The following DNAH9 variants were observed in gnomAD, a reference collection of about 807,000 sequenced individuals.
DNAH9 encodes the protein dynein axonemal heavy chain 9, also known as DNAH9 variant protein.
In DNAH9, 345 loss-of-function variants were observed where a neutral mutation model predicts 471.6. That is an observed-to-expected ratio of 0.73 (90% confidence interval 0.67 to 0.80). The LOEUF is 0.80. Ranked by LOEUF, DNAH9 falls within the 30% of genes least tolerant of loss-of-function variation. The pLI is 0.00. For missense variants in DNAH9, 5,407 were observed against 5,609.2 expected (o/e 0.96, Z 1.15); for synonymous variants, 2,093 against 2,123.6 (o/e 0.99, Z 0.40).
rs374527208 is a variant in DNAH9, at chr17:11,701,298, C to T, written c.5151+51C>T. 3.1e-5 allele frequency: 50 copies of T among 1,592,668 alleles called. No individual in the cohort carries two copies. In the African/African-American group the frequency reaches 3.5e-4, roughly 11 times the overall value. On this transcript the variant is annotated intron_variant, in intron 24 of 68. Coordinates refer to ENST00000262442, the MANE Select transcript of DNAH9 (RefSeq NM_001372.4). ...CTCCATGGTTGGGGCTGTCTTCCTC[C>T]GCAGCCTCCCCCAGCCTTCAGCAGC...
intron 26 of DNAH9, among the ~76,000 whole-genome samples, chr17:11,714,463 A>T (rs957256938): frequency 6.6e-6 from 1 of 152,180 alleles, no homozygotes; most frequent in Non-Finnish European, 1.5e-5. Flanking sequence ...CTGAAGGTAG[A>T]TACTGTTGCA....
chr17:11,685,978 G>C (rs749276528), intron 19 of DNAH9, among the ~76,000 whole-genome samples: 3 of 151,794 alleles, frequency 2.0e-5, no homozygotes, highest in Non-Finnish European at 2.9e-5. Context: ...CTAATTTTTT[G>C]TATTTTTAGT....
intron 15 of DNAH9, among the ~76,000 whole-genome samples, chr17:11,667,216 T>C (rs1260217020): frequency 6.6e-6 from 1 of 152,238 alleles, no homozygotes; most frequent in Non-Finnish European, 1.5e-5. Context: ...ACATAATATG[T>C]ATATTAATGC....
intron 61 of DNAH9, among the ~76,000 whole-genome samples, chr17:11,913,442 G>C (rs1973849741): frequency 6.6e-6 from 1 of 151,936 alleles, no homozygotes; most frequent in Admixed American, 6.6e-5. Flanking sequence ...CTATATTAAA[G>C]TGTTTAGATC....
intron 50 of DNAH9, 129 bp downstream of exon 50, chr17:11,854,557 T>C (rs1971555521): frequency 8.2e-7 from 1 of 1,220,270 alleles, no homozygotes; most frequent in Non-Finnish European, 1.1e-6. Flanking sequence ...TCATGCAAAA[T>C]CTCATTTTTC....
At position 11,608,200 on chromosome 17, in the gene DNAH9, G is replaced by T. The variant is rs1159538055; in HGVS notation, c.489G>T (p.Arg163Ser). ...CCCACATGATATGTGAGGATGTCAG[G>T]CGGCACGCCCACAGCCTCCAATGTG... ...NWPHMICEDVRRHAHSLQCDL... is the reference protein window; with the variant it reads ...NWPHMICEDVSRHAHSLQCDL... Residue 163 changes from arginine (R) to serine (S), a missense_variant, in exon 2 of 69, where the codon AGG becomes AGT. Around this residue, in one of 3 missense-constraint regions of DNAH9, gnomAD observed 767 missense variants for 692.5 expected, o/e 1.11. Coordinates refer to ENST00000262442, the MANE Select transcript of DNAH9 (RefSeq NM_001372.4). 1.9e-6 allele frequency: 3 copies of T among 1,613,940 alleles called. No individual in the cohort carries two copies. The Admixed American group carries it at 5.0e-5, about 27-fold the overall frequency.
intron 26 of DNAH9, among the ~76,000 whole-genome samples, chr17:11,718,040 A>ATT (rs2074995385): frequency 2.3e-5 from 1 of 42,978 alleles, no homozygotes; most frequent in Admixed American, 3.8e-4. Flanking sequence ...CACCCATCTC[A>ATT]TTTGTGTGTG....
intron 49 of DNAH9, among the ~76,000 whole-genome samples, chr17:11,839,319 A>G (rs1970950540): frequency 6.6e-6 from 1 of 151,678 alleles, no homozygotes; most frequent in African/African-American, 2.4e-5. Flanking sequence ...GATCGAGACC[A>G]TCCTGGCTGA....
intron 4 of DNAH9, 150 bp downstream of exon 4, chr17:11,611,930 C>G (rs1403468558): frequency 2.7e-6 from 2 of 736,052 alleles, no homozygotes; most frequent in Non-Finnish European, 4.8e-6. Flanking sequence ...AATACCACAT[C>G]TAGATACATG....
chr17:11,874,960 A>T lies in DNAH9; in HGVS notation c.10254A>T (p.Pro3418=). The part of the protein sequence containing the change: ...PYLSQLKTPI[P]VTPALDPLRM... ...TTCTTCTTCACCAGACTCCCATTCC[A>T]GTCACCCCAGCCCTGGATCCCCTGA... Residue 3418 remains proline, a synonymous_variant, in exon 53 of 69, where the codon CCA becomes CCT. Coordinates refer to ENST00000262442, the MANE Select transcript of DNAH9 (RefSeq NM_001372.4). 6.2e-7 allele frequency: 1 copy of T among 1,613,704 alleles called. No individual in the cohort carries two copies. Among genetic ancestry groups the T allele is most frequent in the Non-Finnish European group, 8.5e-7 (1 of 1,179,734 alleles).
chr17:11,851,144 C>T (rs1310452195), intron 49 of DNAH9, among the ~76,000 whole-genome samples: 1 of 150,696 alleles, frequency 6.6e-6, no homozygotes, highest in Non-Finnish European at 1.5e-5. Context: ...GAGTTTCATT[C>T]TTGTCACCCA....
chr17:11,743,428 C>G (rs951222451), intron 30 of DNAH9, among the ~76,000 whole-genome samples: 9 of 152,166 alleles, frequency 5.9e-5, no homozygotes, highest in Admixed American at 4.6e-4. Context: ...CTTCTAATTC[C>G]TCAGATCTGT....
Position 11,608,238 on chromosome 17 carries a change from T to C in DNAH9, c.527T>C (p.Ile176Thr). The change falls in exon 2 of 69, where the codon ATA becomes ACA. Residue 176 changes from isoleucine (I) to threonine (T), a missense_variant. Physicochemically the swap from Ile to Thr is moderately conservative, Grantham distance 89 (BLOSUM62 -1). Coordinates refer to ENST00000262442, the MANE Select transcript of DNAH9 (RefSeq NM_001372.4). ...AHSLQCDLSV[I>T]LEQVKGKTLL... is the part of the protein sequence containing the mutation. ...AGCCTCCAATGTGACCTCTCAGTTA[T>C]ACTTGAGCAAGTGAAGGGAAAAACT... The C allele has an allele frequency of 4.3e-6, 7 of 1,614,108 alleles. No individual in the cohort carries two copies. Among genetic ancestry groups the C allele is most frequent in the East Asian group, 2.2e-5 (1 of 44,870 alleles).
At chr17:11,765,192 A>G (rs1161001408) in intron 36 of DNAH9, among the ~76,000 whole-genome samples, 1 of 152,214 alleles carries the variant, frequency 6.6e-6, no homozygotes, top group Non-Finnish European at 1.5e-5. Flanking sequence ...CAAGGTACTT[A>G]GCACAACCCA....
At position 11,621,131 on chromosome 17, in the gene DNAH9, C is replaced by T. The variant is rs181496710; in HGVS notation, c.1350+1350C>T. On this transcript the variant is annotated intron_variant, in intron 6 of 68. Transcript: ENST00000262442. ...TGAGTTTAAGATTAAGACAAGAGGCCGGGCACGGTGGCTCTCCCCTGTAAT... is the reference window on the plus strand; with the variant it reads ...TGAGTTTAAGATTAAGACAAGAGGCTGGGCACGGTGGCTCTCCCCTGTAAT... Among the ~76,000 whole-genome samples, 36 of 152,032 alleles carry T rather than the reference C, an allele frequency of 2.4e-4. No individual in the cohort carries two copies. In the East Asian group the frequency reaches 6.4e-3, roughly 27 times the overall value.
chr17:11,788,894 G>C (rs1968969122), intron 41 of DNAH9, among the ~76,000 whole-genome samples: 1 of 151,990 alleles, frequency 6.6e-6, no homozygotes, highest in Non-Finnish European at 1.5e-5. Flanking sequence ...CCTTTTACCT[G>C]ATTAAGGAAA....
At chr17:11,801,604 T>C (rs572850825) in intron 43 of DNAH9, among the ~76,000 whole-genome samples, 4 of 152,234 alleles carry the variant, frequency 2.6e-5, no homozygotes, top group African/African-American at 7.2e-5. Flanking sequence ...GGCAGGAGAA[T>C]CGCTTGAACC....
At chr17:11,835,068 C>A (rs145885986) in intron 49 of DNAH9, among the ~76,000 whole-genome samples, 170 bp downstream of exon 49, 1 of 152,184 alleles carries the variant, frequency 6.6e-6, no homozygotes, top group Non-Finnish European at 1.5e-5. Context: ...ACTATCTTTT[C>A]GGTTCCATGA....
At chr17:11,599,083 A>T (rs953747637) in intron 1 of DNAH9, among the ~76,000 whole-genome samples, 168 bp downstream of exon 1, 6 of 151,078 alleles carry the variant, frequency 4.0e-5, no homozygotes, top group African/African-American at 1.5e-4. Flanking sequence ...CACAACCAGG[A>T]GGGAAGTTCC....
Sources: allele counts gnomAD v4.1 joint callset (sites outside exome capture counted in the v4.1 genomes callset), GRCh38; gene constraint gnomAD v4.1.1; regional missense constraint gnomAD v4.1.1; transcripts MANE v1.5; gene names NCBI Gene and HGNC (gene_info 2026-07-23, HGNC 2026-07-21).